Variants in KCNH8 observed in about 807,000 individuals in gnomAD.
KCNH8 encodes the protein voltage-gated delayed rectifier potassium channel KCNH8.
Under a neutral mutation model 103.6 loss-of-function variants are expected in KCNH8, and 70 were observed. The ratio of observed to expected loss-of-function variants is 0.68; its 90% CI spans 0.56 to 0.82. The LOEUF (loss-of-function observed/expected upper bound fraction) is 0.82, where lower values mean the gene tolerates loss of function less well. Ranked by LOEUF, KCNH8 falls within the 40% of genes least tolerant of loss-of-function variation. The probability of loss-of-function intolerance (pLI) is 0.00; values close to 1 mark genes in which losing one functional copy is unlikely to be tolerated. For synonymous variants in KCNH8, 498 were observed against 489.4 expected, an observed-to-expected ratio of 1.02 and a Z score of -0.23; for missense variants, 1,217 against 1,329.9, an observed-to-expected ratio of 0.92 and a Z score of 1.32.
intron 5 of KCNH8, among the ~76,000 whole-genome samples, chr3:19,377,205 G>C (rs920010546): frequency 2.6e-5 from 4 of 152,172 alleles, no homozygotes; most frequent in Non-Finnish European, 1.5e-5. Context: ...GATATTAGTG[G>C]CAAGGAGACA....
intron 1 of KCNH8, among the ~76,000 whole-genome samples, chr3:19,198,684 T>C (rs1003912910): frequency 6.6e-6 from 1 of 151,928 alleles, no homozygotes; most frequent in Non-Finnish European, 1.5e-5. Context: ...AAAAAAATTT[T>C]CCAAACAACC....
intron 3 of KCNH8, among the ~76,000 whole-genome samples, chr3:19,320,227 G>GTCTTGAT (rs2065331540): frequency 6.6e-6 from 1 of 152,024 alleles, no homozygotes; most frequent in Admixed American, 6.6e-5. Flanking sequence ...GGGCATCCCT[G>GTCTTGAT]TCTTGATTCA....
intron 11 of KCNH8, among the ~76,000 whole-genome samples, chr3:19,503,164 A>G (rs560797806): frequency 1.3e-5 from 2 of 151,520 alleles, no homozygotes; most frequent in Admixed American, 1.3e-4. Flanking sequence ...GCAGCCAAAA[A>G]ACACATGAAA....
In KCNH8 at chr3:19,164,487, T is replaced by C. The variant is rs577401367; in HGVS notation, c.76+15692T>C. On this transcript the variant is annotated intron_variant, in intron 1 of 15. Transcript: ENST00000328405. ...GATGTTTCTGTTCTGACTTTATGGA[T>C]TGGGAAACTGAAGCCTAGAAAGGTT... Among the ~76,000 whole-genome samples, 176 of 152,294 alleles carry C rather than the reference T, an allele frequency of 1.2e-3. 2 individuals are homozygous for C. Among genetic ancestry groups the C allele is most frequent in the African/African-American group, 3.6e-3 (148 of 41,566 alleles).
At chr3:19,371,140 G>A (rs1417054733) in intron 5 of KCNH8, among the ~76,000 whole-genome samples, 1 of 150,624 alleles carries the variant, frequency 6.6e-6, no homozygotes, top group Non-Finnish European at 1.5e-5. Flanking sequence ...TGGGATGGCT[G>A]GGTCAAATGG....
chr3:19,500,427 C>T (rs1450550727), intron 11 of KCNH8, among the ~76,000 whole-genome samples: 1 of 152,104 alleles, frequency 6.6e-6, no homozygotes, highest in Admixed American at 6.5e-5. Flanking sequence ...AGCTCTGCAC[C>T]AAGCGGACCT....
intron 5 of KCNH8, among the ~76,000 whole-genome samples, chr3:19,382,595 C>T (rs1001022925): frequency 6.6e-6 from 1 of 152,090 alleles, no homozygotes; most frequent in Non-Finnish European, 1.5e-5. Context: ...ATATGTGACG[C>T]AGTCTTAGAT....
At chr3:19,440,337 T>C (rs2067264289) in intron 8 of KCNH8, among the ~76,000 whole-genome samples, 2 of 152,202 alleles carry the variant, frequency 1.3e-5, no homozygotes, top group African/African-American at 4.8e-5. Flanking sequence ...AATATTGTAT[T>C]AGTTAATTCT....
At chr3:19,371,815 C>T (rs2066100898) in intron 5 of KCNH8, among the ~76,000 whole-genome samples, 1 of 151,228 alleles carries the variant, frequency 6.6e-6, no homozygotes, top group Non-Finnish European at 1.5e-5. Flanking sequence ...GATCCAGTTT[C>T]AGCTTTCTAC....
chr3:19,275,540 G>A (rs1403821478), intron 2 of KCNH8, among the ~76,000 whole-genome samples: 1 of 152,080 alleles, frequency 6.6e-6, no homozygotes, highest in East Asian at 1.9e-4. Context: ...CAGCCTATAT[G>A]AGCTGCATTG....
chr3:19,419,443 G>A (rs902773632), intron 7 of KCNH8, among the ~76,000 whole-genome samples: 39 of 151,404 alleles, frequency 2.6e-4, no homozygotes, highest in African/African-American at 9.2e-4. Flanking sequence ...CTCGTGATCC[G>A]CCCGCCTCGG....
At position 19,493,051 on chromosome 3, in the gene KCNH8, TATTGATTTTTGTAC is replaced by T. The variant is rs545301874; in HGVS notation, c.2041-17298_2041-17285del. Among the ~76,000 whole-genome samples, 476 of 152,286 alleles carry T rather than the reference TATTGATTTTTGTAC, an allele frequency of 3.1e-3. 4 individuals are homozygous for T. Among genetic ancestry groups the T allele is most frequent in the African/African-American group, 0.01 (427 of 41,550 alleles). On this transcript the variant is annotated intron_variant, in intron 11 of 15. Coordinates refer to ENST00000328405, the MANE Select transcript of KCNH8 (RefSeq NM_144633.3). ...GGACATTATTGGTGTATAGAAATGC[TATTGATTTTTGTAC>T]ATTGATTTTTGTATCCTAAAACCTT... is the stretch of plus-strand genomic sequence containing the variant.
intron 1 of KCNH8, among the ~76,000 whole-genome samples, chr3:19,240,450 T>G (rs544888994): frequency 4.0e-5 from 6 of 151,690 alleles, no homozygotes; most frequent in African/African-American, 1.5e-4. Flanking sequence ...CTGTCTCTAC[T>G]AAAAATACAA....
intron 7 of KCNH8, among the ~76,000 whole-genome samples, chr3:19,407,224 G>C (rs927450733): frequency 2.6e-5 from 4 of 152,114 alleles, no homozygotes; most frequent in African/African-American, 4.8e-5. Context: ...AGAAAATAAG[G>C]TGTGATATTA....
intron 11 of KCNH8, among the ~76,000 whole-genome samples, chr3:19,463,353 A>C (rs1438858732): frequency 6.6e-6 from 1 of 152,096 alleles, no homozygotes; most frequent in Non-Finnish European, 1.5e-5. Flanking sequence ...AGTAGTATGC[A>C]TAAAGTTAAT....
intron 5 of KCNH8, among the ~76,000 whole-genome samples, chr3:19,352,515 G>C (rs1381723569): frequency 6.6e-6 from 1 of 152,130 alleles, no homozygotes; most frequent in South Asian, 2.1e-4. Context: ...CAAAAGAACA[G>C]AAATTATAAA....
chr3:19,264,418 A>G (rs547314724), intron 2 of KCNH8, among the ~76,000 whole-genome samples: 5 of 152,136 alleles, frequency 3.3e-5, no homozygotes, highest in South Asian at 2.1e-4. Flanking sequence ...TTCTTTTCCT[A>G]TGGTCATGAC....
At chr3:19,460,344 A>G (rs181720382) in intron 11 of KCNH8, among the ~76,000 whole-genome samples, 1 of 152,148 alleles carries the variant, frequency 6.6e-6, no homozygotes, top group African/African-American at 2.4e-5. Flanking sequence ...TGAAATCTCT[A>G]TCCTGTAATT....
intron 7 of KCNH8, among the ~76,000 whole-genome samples, chr3:19,423,717 A>G (rs1414068212): frequency 6.6e-6 from 1 of 151,848 alleles, no homozygotes; most frequent in African/African-American, 2.4e-5. Context: ...ATATTTTTCA[A>G]TTGCGAATTG....
Sources: allele counts gnomAD v4.1 joint callset (sites outside exome capture counted in the v4.1 genomes callset), GRCh38; gene constraint gnomAD v4.1.1; transcripts MANE v1.5; gene names NCBI Gene and HGNC (gene_info 2026-07-23, HGNC 2026-07-21).